The following DUS4L variants were observed in gnomAD, a reference collection of about 807,000 sequenced individuals.
DUS4L encodes dihydrouridine synthase 4 like, also known as tRNA-dihydrouridine(20a/20b) synthase [NAD(P)+]-like.
DUS4L carries 31 observed loss-of-function variants against 33.8 expected under a neutral mutation model. The observed-to-expected ratio is 0.92, with a 90% CI of 0.69 to 1.24. The LOEUF (loss-of-function observed/expected upper bound fraction) is 1.24. DUS4L is among the 50% of genes most tolerant of loss of function. The pLI, the probability that DUS4L is intolerant of heterozygous loss-of-function variation, is 0.00. For synonymous variants in DUS4L, 103 were observed against 120.3 expected, an observed-to-expected ratio of 0.86 and a Z score of 0.94; for missense variants, 368 against 388.6, an observed-to-expected ratio of 0.95 and a Z score of 0.45.
Position 107,571,203 on chromosome 7 carries a change from AT to A in DUS4L, c.177del (p.Ile59MetfsTer10). 6.2e-7 allele frequency: 1 copy of A among 1,611,614 alleles called. No homozygotes were observed. Among genetic ancestry groups the A allele is most frequent in the Non-Finnish European group, 8.5e-7 (1 of 1,179,456 alleles). ...YSCDLCYTPM[I>X]VAADFVKSIK... ...TTGTGATCTGTGTTACACACCAATG[AT>A]TGTTGCCGCTGATTTTGTCAAATCT... On this transcript the variant is annotated frameshift_variant, in exon 4 of 8. Coordinates refer to ENST00000265720, the MANE Select transcript of DUS4L (RefSeq NM_181581.3). LOFTEE classifies it high-confidence loss of function.
intron 5 of DUS4L, 46 bp from the exon 6 acceptor site, chr7:107,575,142 T>C (rs1805614415): frequency 1.2e-6 from 2 of 1,606,080 alleles, no homozygotes; most frequent in African/African-American, 1.3e-5. Flanking sequence ...TTGTCTTCTC[T>C]TCCAGTTATT....
chr7:107,568,948 T>C (rs1410566859), intron 3 of DUS4L, among the ~76,000 whole-genome samples: 1 of 152,246 alleles, frequency 6.6e-6, no homozygotes, highest in Non-Finnish European at 1.5e-5. Context: ...CATCAAATCC[T>C]AATCCCAGCA....
In DUS4L at chr7:107,575,189, TG is replaced by T; in HGVS notation, c.361del (p.Ala121GlnfsTer10). 6.8e-6 allele frequency: 11 copies of T among 1,606,584 alleles called. No homozygotes were observed. Among genetic ancestry groups the T allele is most frequent in the African/African-American group, 1.3e-5 (1 of 74,308 alleles). On this transcript the variant is annotated frameshift_variant and splice_region_variant, in exon 6 of 8. Coordinates refer to ENST00000265720, the MANE Select transcript of DUS4L (RefSeq NM_181581.3). LOFTEE classifies it high-confidence loss of function. ...IDINCGCPQRWAMAEGYGACL... is the reference protein window; with the variant it reads ...IDINCGCPQRXAMAEGYGACL... ...TGTTCATGTGTTTGCTTTACAAAGG[TG>T]GGCAATGGCAGAAGGTTATGGGGCT... is the stretch of plus-strand genomic sequence containing the variant.
chr7:107,576,944 A>G (rs1222475420), intron 7 of DUS4L: 1 of 287,920 alleles, frequency 3.5e-6, no homozygotes, highest in Non-Finnish European at 6.4e-6. Flanking sequence ...ATGCAGTTTC[A>G]TTATTCCCTT....
At chr7:107,567,839 C>A in intron 3 of DUS4L, 1 of 427,082 alleles carries the variant, frequency 2.3e-6, no homozygotes, top group Non-Finnish European at 4.7e-6. Flanking sequence ...ATTCTACTTT[C>A]TCCCTCTATG....
At chr7:107,573,125 A>G (rs1225417094) in intron 4 of DUS4L, among the ~76,000 whole-genome samples, 2 of 152,242 alleles carry the variant, frequency 1.3e-5, no homozygotes, top group African/African-American at 4.8e-5. Context: ...ATATGTCTAT[A>G]TTGGTAAACT....
In DUS4L at chr7:107,576,395, A is replaced by G; in HGVS notation, c.509A>G (p.Asp170Gly). 1 of 1,609,304 alleles carries G rather than the reference A, an allele frequency of 6.2e-7. No homozygotes were observed. The highest frequency in any genetic ancestry group is 8.5e-7 in the Non-Finnish European group (1 of 1,178,968). ...RIHDDLKRTV[D>G]LCQKAEATGV... is the part of the protein sequence containing the mutation. ...CATGATGACCTTAAAAGAACTGTAG[A>G]TCTTTGTCAAAAGGCTGAAGCAACA... The change falls in exon 7 of 8, where the codon GAT (aspartate) becomes GGT (glycine). Residue 170 changes from aspartate to glycine, a missense_variant. Asp to Gly is a moderately conservative substitution (Grantham distance 94, BLOSUM62 -1). Transcript: ENST00000265720.
At position 107,564,646 on chromosome 7, in the gene DUS4L, A is replaced by G. The variant is rs761956233; in HGVS notation, c.-52A>G. The G allele has an allele frequency of 7.2e-5, 11 of 152,310 alleles. No individual in the cohort carries two copies. The highest frequency in any genetic ancestry group is 1.3e-4 in the Admixed American group (2 of 15,288). 9.4% of individuals were successfully genotyped at this position (152,310 alleles called of 1,614,324 possible). ...AAACTGATAGATGGTCCACATCTCA[A>G]CTAACAGTATTGACGCTGTAAGAGC... is the stretch of plus-strand genomic sequence containing the variant. On this transcript the variant is annotated 5_prime_UTR_variant, in exon 2 of 8. Coordinates refer to ENST00000265720, the MANE Select transcript of DUS4L (RefSeq NM_181581.3).
chr7:107,566,854 A>G (rs1041345492), intron 2 of DUS4L, among the ~76,000 whole-genome samples, 196 bp from the exon 3 acceptor site: 1 of 152,096 alleles, frequency 6.6e-6, no homozygotes, highest in Admixed American at 6.6e-5. Flanking sequence ...GTAGTTTTCC[A>G]CATCTATTTA....
chr7:107,569,105 A>G (rs767202813), intron 3 of DUS4L, among the ~76,000 whole-genome samples: 1 of 152,224 alleles, frequency 6.6e-6, no homozygotes, highest in Non-Finnish European at 1.5e-5. Context: ...TGGGAGGCTG[A>G]GGCAGGAAAA....
Position 107,564,077 on chromosome 7 carries a change from G to T in DUS4L, c.-243G>T. 1 of 1,412,804 alleles carries T rather than the reference G, an allele frequency of 7.1e-7. No homozygotes were observed. Among genetic ancestry groups the T allele is most frequent in the South Asian group, 1.2e-5 (1 of 80,594 alleles). The allele number at this position is 1,412,804 out of a possible 1,614,324, so 87.5% of individuals were successfully genotyped here. On this transcript the variant is annotated 5_prime_UTR_variant, in exon 1 of 8. Transcript: ENST00000265720. The stretch of plus-strand genomic sequence containing the variant: ...CCGCGCAGGTACTCGAGCAGTGGGC[G>T]CCCAGGGTCCGAGTGCTCTGCGCCC...
At chr7:107,569,739 A>G (rs539842060) in intron 3 of DUS4L, among the ~76,000 whole-genome samples, 2 of 152,352 alleles carry the variant, frequency 1.3e-5, no homozygotes, top group South Asian at 2.1e-4. Flanking sequence ...GCACATAGAA[A>G]TAGATTTTTG....
At chr7:107,570,967 G>C (rs146893470) in intron 3 of DUS4L, 178 bp from the exon 4 acceptor site, 10 of 765,012 alleles carry the variant, frequency 1.3e-5, no homozygotes, top group African/African-American at 1.3e-4. Context: ...AAATTTTCTT[G>C]TGTTTGTTTT....
At chr7:107,571,323 CAACT>C in intron 4 of DUS4L, 57 bp downstream of exon 4, 2 of 1,561,670 alleles carry the variant, frequency 1.3e-6, no homozygotes, top group Non-Finnish European at 1.7e-6. Context: ...TTTACAAACT[CAACT>C]ATCTTATCAG....
rs1337751810 is a variant in DUS4L at position 107,575,155 on chromosome 7, T to G, written c.357-33T>G. ...TTTTGTCTTCTCTTCCAGTTATTTATAATTCACTTGTTCATGTGTTTGCTT... is the reference window on the plus strand; with the variant it reads ...TTTTGTCTTCTCTTCCAGTTATTTAGAATTCACTTGTTCATGTGTTTGCTT... On this transcript the variant is annotated intron_variant, in intron 5 of 7. Transcript: ENST00000265720. The G allele has an allele frequency of 7.5e-6, 12 of 1,606,386 alleles. No individual in the cohort carries two copies. In the African/African-American group the frequency reaches 1.5e-4, roughly 20 times the overall value.
chr7:107,567,764 A>G (rs1235655213), intron 3 of DUS4L: 1 of 452,758 alleles, frequency 2.2e-6, no homozygotes, highest in African/African-American at 2.0e-5. Context: ...GAAGATGGAA[A>G]TTCTATCACA....
chr7:107,572,665 C>T (rs1268237693), intron 4 of DUS4L, among the ~76,000 whole-genome samples: 1 of 152,038 alleles, frequency 6.6e-6, no homozygotes, highest in African/African-American at 2.4e-5. Flanking sequence ...GCCTGACCAA[C>T]ATGGTGAAAC....
chr7:107,569,823 G>A (rs1455732030), intron 3 of DUS4L, among the ~76,000 whole-genome samples: 2 of 152,180 alleles, frequency 1.3e-5, no homozygotes, highest in African/African-American at 2.4e-5. Context: ...TTCCTTCAGA[G>A]TCTATATGAA....
chr7:107,577,448 A>G lies in DUS4L; in HGVS notation c.842A>G (p.His281Arg). 1 of 1,614,188 alleles carries G rather than the reference A, an allele frequency of 6.2e-7. No homozygotes were observed. Among genetic ancestry groups the G allele is most frequent in the South Asian group, 1.1e-5 (1 of 91,082 alleles). Residue 281 changes from histidine (H) to arginine (R), a missense_variant, in exon 8 of 8, where the codon CAT becomes CGT. Coordinates refer to ENST00000265720, the MANE Select transcript of DUS4L (RefSeq NM_181581.3). ...LGTPYMCFHQ[H>R]LMYMMEKITS... is the part of the protein sequence containing the mutation. ...ACTCCTTACATGTGTTTCCATCAAC[A>G]TTTAATGTACATGATGGAAAAGATA... is the stretch of plus-strand genomic sequence containing the variant.
Sources: gnomAD v4.1 joint callset for allele counts (sites outside exome capture counted in the v4.1 genomes callset) on GRCh38, gnomAD v4.1.1 for gene constraint, MANE v1.5 for transcripts, NCBI Gene and HGNC (gene_info 2026-07-23, HGNC 2026-07-21) for gene names.